Variants in TIAM1 observed in about 807,000 individuals in gnomAD.
TIAM1 encodes the protein rho guanine nucleotide exchange factor TIAM1.
TIAM1 carries 65 observed loss-of-function variants against 163.5 expected under a neutral mutation model. That is an observed-to-expected ratio of 0.40 (90% CI 0.33 to 0.49). TIAM1 has a LOEUF of 0.49. Ranked by LOEUF, TIAM1 falls within the 20% of genes least tolerant of loss-of-function variation. The pLI is 0.77. For synonymous variants in TIAM1, 833 were observed against 810.1 expected (o/e 1.03, Z -0.48); for missense variants, 1,789 against 2,044.7 (o/e 0.87, Z 2.41).
At chr21:31,500,120 G>A (rs923630558) in intron 1 of TIAM1, among the ~76,000 whole-genome samples, 14 of 152,190 alleles carry the variant, frequency 9.2e-5, no homozygotes, top group Admixed American at 7.8e-4. Flanking sequence ...AGCCAAGATC[G>A]CACCATTGCA....
At chr21:31,172,121 ACCAGAAAG>A (rs977475077) in intron 15 of TIAM1, among the ~76,000 whole-genome samples, 1 of 152,176 alleles carries the variant, frequency 6.6e-6, no homozygotes, top group African/African-American at 2.4e-5. Context: ...ATTTCATGAT[ACCAGAAAG>A]CCAGAAAGCA....
intron 22 of TIAM1, among the ~76,000 whole-genome samples, chr21:31,137,438 G>A (rs112766471): frequency 5.1e-4 from 78 of 152,172 alleles, no homozygotes; most frequent in African/African-American, 1.7e-3. Flanking sequence ...AAACCCCCAG[G>A]ATATGATCAG....
chr21:31,138,142 C>G (rs763241513), intron 22 of TIAM1, among the ~76,000 whole-genome samples: 1 of 151,954 alleles, frequency 6.6e-6, no homozygotes, highest in Non-Finnish European at 1.5e-5. Flanking sequence ...CTGGGATGCC[C>G]GACTGAGTCA....
intron 15 of TIAM1, among the ~76,000 whole-genome samples, chr21:31,180,420 A>C (rs2146430849): frequency 6.6e-6 from 1 of 152,286 alleles, no homozygotes; most frequent in African/African-American, 2.4e-5. Context: ...ACAGCCAGAG[A>C]CAAGGTGTAA....
At position 31,499,618 on chromosome 21, in the gene TIAM1, G is replaced by A. The variant is rs144353720; in HGVS notation, c.-421-35583C>T. On this transcript the variant is annotated intron_variant, in intron 1 of 28. Transcript: ENST00000286827. The stretch of plus-strand genomic sequence containing the variant: ...TGTAATCTCAGCACTTTGGGAGGCC[G>A]AGGAAGACGGATAACAAGGTCAGGA... 5.8e-3 allele frequency among the ~76,000 whole-genome samples: 870 copies of A among 150,606 alleles called. 24 individuals are homozygous for A. The highest frequency in any genetic ancestry group is 0.048 in the Admixed American group (735 of 15,198).
chr21:31,319,821 T>G (rs1160278801), intron 2 of TIAM1, among the ~76,000 whole-genome samples: 1 of 151,278 alleles, frequency 6.6e-6, no homozygotes, highest in African/African-American at 2.4e-5. Context: ...ACCTTTCTAG[T>G]GAGCATAAGG....
chr21:31,532,883 C>T (rs1316945920), intron 1 of TIAM1, among the ~76,000 whole-genome samples: 3 of 152,084 alleles, frequency 2.0e-5, no homozygotes, highest in Non-Finnish European at 1.5e-5. Flanking sequence ...TAGGTCGAGG[C>T]CACAGTGAGT....
chr21:31,482,515 G>A (rs1202049340), intron 1 of TIAM1, among the ~76,000 whole-genome samples: 1 of 152,144 alleles, frequency 6.6e-6, no homozygotes, highest in Non-Finnish European at 1.5e-5. Flanking sequence ...TGTCACCTGG[G>A]CTAAATCAGC....
At chr21:31,406,545 T>C (rs917817196) in intron 2 of TIAM1, among the ~76,000 whole-genome samples, 2 of 152,232 alleles carry the variant, frequency 1.3e-5, no homozygotes, top group Non-Finnish European at 2.9e-5. Context: ...CTATTATTAT[T>C]ACTAATGCAA....
chr21:31,280,026 G>A (rs558543628), intron 2 of TIAM1, among the ~76,000 whole-genome samples: 9 of 150,570 alleles, frequency 6.0e-5, no homozygotes, highest in Admixed American at 2.0e-4. Context: ...ACACACACGC[G>A]TGCGCGCACA....
intron 6 of TIAM1, among the ~76,000 whole-genome samples, chr21:31,227,928 C>T (rs1045645946): frequency 2.6e-5 from 4 of 151,728 alleles, no homozygotes; most frequent in Non-Finnish European, 4.4e-5. Flanking sequence ...TTTTTTGAGA[C>T]GGAGTCTGTC....
intron 1 of TIAM1, among the ~76,000 whole-genome samples, chr21:31,478,005 C>G (rs929225868): frequency 6.6e-6 from 1 of 152,190 alleles, no homozygotes; most frequent in Non-Finnish European, 1.5e-5. Flanking sequence ...AGAATAACAA[C>G]CAGCTTAGGC....
intron 2 of TIAM1, among the ~76,000 whole-genome samples, chr21:31,330,398 T>C (rs1450955848): frequency 6.6e-6 from 1 of 152,110 alleles, no homozygotes; most frequent in South Asian, 2.1e-4. Context: ...TGCAGAGTTG[T>C]TTTTGGTTTT....
At chr21:31,362,393 C>T (rs1009133777) in intron 2 of TIAM1, among the ~76,000 whole-genome samples, 2 of 151,672 alleles carry the variant, frequency 1.3e-5, no homozygotes, top group South Asian at 2.1e-4. Flanking sequence ...ACCCAAGGTT[C>T]GCCTTTCTCT....
At chr21:31,501,020 T>A (rs2046829680) in intron 1 of TIAM1, among the ~76,000 whole-genome samples, 1 of 152,212 alleles carries the variant, frequency 6.6e-6, no homozygotes. Context: ...GGAAAGGCTA[T>A]CTTTGCTAAC....
chr21:31,185,667 T>C (rs1387042657), intron 14 of TIAM1, among the ~76,000 whole-genome samples: 1 of 146,748 alleles, frequency 6.8e-6, no homozygotes, highest in Non-Finnish European at 1.5e-5. Context: ...AATTACAATA[T>C]CATCATTATA....
At chr21:31,531,865 C>T (rs551404981) in intron 1 of TIAM1, among the ~76,000 whole-genome samples, 192 of 152,106 alleles carry the variant, frequency 1.3e-3, no homozygotes, top group Non-Finnish European at 2.1e-3. Context: ...GCTTATAATC[C>T]CAGCACTTTG....
At chr21:31,475,025 T>TTTTTTATTATTA (rs1285962494) in intron 1 of TIAM1, among the ~76,000 whole-genome samples, 16 of 118,690 alleles carry the variant, frequency 1.3e-4, no homozygotes, top group Admixed American at 6.5e-4. Flanking sequence ...GAGCTAGTTT[T>TTTTTTATTATTA]TTATTATTAT....
intron 2 of TIAM1, among the ~76,000 whole-genome samples, chr21:31,327,661 A>AAAAAAAAC: frequency 6.7e-6 from 1 of 150,112 alleles, no homozygotes; most frequent in Admixed American, 6.6e-5. Flanking sequence ...AAAAAAAAAA[A>AAAAAAAAC]AGGAAAGAAA....
Sources: gnomAD v4.1 joint callset for allele counts (sites outside exome capture counted in the v4.1 genomes callset) on GRCh38, gnomAD v4.1.1 for gene constraint, MANE v1.5 for transcripts, NCBI Gene and HGNC (gene_info 2026-07-23, HGNC 2026-07-21) for gene names.